Variants in ZMAT4 observed in about 807,000 individuals in gnomAD.
ZMAT4 encodes zinc finger matrin-type 4, also known as zinc finger matrin-type protein 4.
In ZMAT4, 17 loss-of-function variants were observed where a neutral mutation model predicts 28.7. The observed-to-expected ratio is 0.59, with a 90% CI of 0.41 to 0.89. The LOEUF (loss-of-function observed/expected upper bound fraction) is 0.89. Ranked by LOEUF, ZMAT4 falls within the 40% of genes least tolerant of loss-of-function variation. ZMAT4 has a pLI of 0.00. For missense variants in ZMAT4, 240 were observed against 283.8 expected (o/e 0.85, Z 1.11); for synonymous variants, 117 against 109.2 (o/e 1.07, Z -0.44).
intron 3 of ZMAT4, among the ~76,000 whole-genome samples, chr8:40,729,600 T>TCTTTC (rs1554547118): frequency 1.1e-4 from 10 of 89,518 alleles, no homozygotes; most frequent in South Asian, 8.8e-4. Context: ...TTTCTTTCTT[T>TCTTTC]TTTTTTTTTT....
intron 6 of ZMAT4, among the ~76,000 whole-genome samples, chr8:40,554,979 A>C (rs1425462300): frequency 1.3e-5 from 2 of 152,014 alleles, no homozygotes; most frequent in Non-Finnish European, 2.9e-5. Flanking sequence ...ACCCACACCC[A>C]CACATCCTTC....
At position 40,557,530 on chromosome 8, in the gene ZMAT4, T is replaced by G. The variant is rs368366706; in HGVS notation, c.674+23635A>C. 3.9e-5 allele frequency among the ~76,000 whole-genome samples: 6 copies of G among 152,330 alleles called. No homozygotes were observed. The South Asian group carries it at 1.0e-3, about 26-fold the overall frequency. ...TATGGTCCTGAACCAACCTCTTTAC[T>G]CTTCCTGTATATCTGTCCATTCTTC... On this transcript the variant is annotated intron_variant, in intron 6 of 6. Transcript: ENST00000297737.
intron 4 of ZMAT4, among the ~76,000 whole-genome samples, chr8:40,684,613 C>T (rs16889855): frequency 0.13 from 20,250 of 152,208 alleles, 1,922 homozygotes; most frequent in East Asian, 0.4. Flanking sequence ...ATTTACTTAT[C>T]CGGCAGCATT....
intron 6 of ZMAT4, among the ~76,000 whole-genome samples, chr8:40,568,521 C>T (rs1164490528): frequency 6.6e-6 from 1 of 152,130 alleles, no homozygotes; most frequent in Non-Finnish European, 1.5e-5. Flanking sequence ...AGGAAAAATT[C>T]TGGGCATTTT....
At chr8:40,705,007 C>T (rs909752061) in intron 3 of ZMAT4, among the ~76,000 whole-genome samples, 3 of 152,126 alleles carry the variant, frequency 2.0e-5, no homozygotes, top group Admixed American at 1.3e-4. Context: ...CAGATATATG[C>T]CCTGCTGTTT....
intron 5 of ZMAT4, among the ~76,000 whole-genome samples, chr8:40,625,403 C>G (rs1806336620): frequency 2.6e-5 from 4 of 151,880 alleles, no homozygotes; most frequent in African/African-American, 9.7e-5. Flanking sequence ...CTCTGTCAGG[C>G]AGGAGAGGAA....
chr8:40,693,289 ATT>A (rs1246963140), intron 4 of ZMAT4, among the ~76,000 whole-genome samples: 1 of 151,784 alleles, frequency 6.6e-6, no homozygotes, highest in Non-Finnish European at 1.5e-5. Context: ...GCTAATTTTT[ATT>A]TTTTTGTAGG....
intron 1 of ZMAT4, among the ~76,000 whole-genome samples, chr8:40,852,872 G>T (rs1292729236): frequency 6.6e-6 from 1 of 152,144 alleles, no homozygotes; most frequent in Non-Finnish European, 1.5e-5. Flanking sequence ...GATTTGGGAA[G>T]CTGTCAAGTT....
At chr8:40,582,345 T>G (rs1804494130) in intron 5 of ZMAT4, among the ~76,000 whole-genome samples, 1 of 152,124 alleles carries the variant, frequency 6.6e-6, no homozygotes, top group South Asian at 2.1e-4. Context: ...AAAAAAAATA[T>G]TTTTAAAAGT....
intron 5 of ZMAT4, among the ~76,000 whole-genome samples, chr8:40,606,784 C>T (rs1448511026): frequency 2.6e-5 from 4 of 152,218 alleles, no homozygotes; most frequent in Admixed American, 6.5e-5. Context: ...CTTGATTATT[C>T]CCTCAAATAT....
intron 5 of ZMAT4, among the ~76,000 whole-genome samples, chr8:40,595,812 G>A (rs887036926): frequency 1.3e-5 from 2 of 152,036 alleles, no homozygotes; most frequent in Non-Finnish European, 2.9e-5. Flanking sequence ...GGCTGGGCAC[G>A]GTGGCTCACT....
At chr8:40,836,487 C>G (rs377551822) in intron 1 of ZMAT4, among the ~76,000 whole-genome samples, 3 of 152,102 alleles carry the variant, frequency 2.0e-5, no homozygotes, top group Admixed American at 6.5e-5. Context: ...AATAGCAAAG[C>G]CTGTAATCAG....
chr8:40,536,658 C>T (rs1172249309), intron 6 of ZMAT4, among the ~76,000 whole-genome samples: 1 of 152,064 alleles, frequency 6.6e-6, no homozygotes, highest in Non-Finnish European at 1.5e-5. Context: ...CATCCCCCAC[C>T]TCTCTGCTTG....
At chr8:40,686,071 A>G (rs532422522) in intron 4 of ZMAT4, among the ~76,000 whole-genome samples, 13 of 152,266 alleles carry the variant, frequency 8.5e-5, no homozygotes, top group African/African-American at 2.9e-4. Flanking sequence ...CATTCATTCA[A>G]CTATGTTCTG....
chr8:40,728,148 C>T (rs1002443780), intron 3 of ZMAT4, among the ~76,000 whole-genome samples: 1 of 152,190 alleles, frequency 6.6e-6, no homozygotes, highest in Non-Finnish European at 1.5e-5. Context: ...AATTATAAAA[C>T]TGACAATGTC....
chr8:40,601,509 G>GAA (rs781484684), intron 5 of ZMAT4, among the ~76,000 whole-genome samples: 80 of 105,348 alleles, frequency 7.6e-4, no homozygotes, highest in Middle Eastern at 4.6e-3. Context: ...AAGAAAGAAA[G>GAA]AGAAAGAGAA....
chr8:40,874,576 C>T (rs1213372096), intron 1 of ZMAT4, among the ~76,000 whole-genome samples: 1 of 152,212 alleles, frequency 6.6e-6, no homozygotes, highest in Admixed American at 6.5e-5. Flanking sequence ...CTTTCCCTTG[C>T]TTCCCCTTCT....
intron 5 of ZMAT4, among the ~76,000 whole-genome samples, chr8:40,597,132 A>C (rs1350723009): frequency 6.6e-6 from 1 of 152,230 alleles, no homozygotes; most frequent in Non-Finnish European, 1.5e-5. Flanking sequence ...CAATGTTTTC[A>C]GTATTGGCTT....
intron 1 of ZMAT4, among the ~76,000 whole-genome samples, chr8:40,837,787 C>T (rs965925180): frequency 3.9e-5 from 6 of 152,228 alleles, no homozygotes; most frequent in Admixed American, 2.0e-4. Context: ...AGAGTATCAT[C>T]GCAGGACAAG....
Sources: allele counts gnomAD v4.1 joint callset (sites outside exome capture counted in the v4.1 genomes callset), GRCh38; gene constraint gnomAD v4.1.1; transcripts MANE v1.5; gene names NCBI Gene and HGNC (gene_info 2026-07-23, HGNC 2026-07-21).